Variants in FAT1 observed in about 807,000 individuals in gnomAD.
The protein encoded by FAT1 is FAT atypical cadherin 1, also known as protocadherin Fat 1.
In FAT1, 171 loss-of-function variants were observed where a neutral mutation model predicts 329.8. The observed-to-expected ratio is 0.52, with a 90% confidence interval of 0.46 to 0.59. The LOEUF is 0.59. Ranked by LOEUF, FAT1 falls within the 20% of genes least tolerant of loss-of-function variation. The pLI is 0.00. For synonymous variants in FAT1, 2,233 were observed against 2,228.6 expected, an observed-to-expected ratio of 1.00 and a Z score of -0.06; for missense variants, 5,672 against 5,774.4, an observed-to-expected ratio of 0.98 and a Z score of 0.57.
chr4:186,704,439 CAAT>C (rs1481785383), intron 2 of FAT1, among the ~76,000 whole-genome samples: 4 of 151,974 alleles, frequency 2.6e-5, no homozygotes, highest in African/African-American at 9.7e-5. Flanking sequence ...TAAAAAGCAA[CAAT>C]AAAAATACTC....
intron 2 of FAT1, among the ~76,000 whole-genome samples, chr4:186,690,273 C>G (rs1157589717): frequency 6.6e-6 from 1 of 152,134 alleles, no homozygotes; most frequent in Non-Finnish European, 1.5e-5. Flanking sequence ...GAAGTAAAAA[C>G]AATCAGAAAC....
chr4:186,593,212 A>T (rs573161284), intron 26 of FAT1, among the ~76,000 whole-genome samples: 2 of 152,114 alleles, frequency 1.3e-5, no homozygotes, highest in Non-Finnish European at 2.9e-5. Flanking sequence ...CTAAAACAAG[A>T]ATGTTTTTGT....
chr4:186,637,538 T>A (rs1434314319), intron 4 of FAT1, among the ~76,000 whole-genome samples: 1 of 152,190 alleles, frequency 6.6e-6, no homozygotes, highest in African/African-American at 2.4e-5. Context: ...TAAATAAGAT[T>A]TTCGGTAAAA....
chr4:186,693,055 T>C (rs1743861701), intron 2 of FAT1, among the ~76,000 whole-genome samples: 1 of 152,168 alleles, frequency 6.6e-6, no homozygotes, highest in Non-Finnish European at 1.5e-5. Context: ...AGCATCCCCC[T>C]GGTATCTCTG....
chr4:186,616,142 TCCTC>T (rs573982343), intron 11 of FAT1, among the ~76,000 whole-genome samples: 86 of 151,778 alleles, frequency 5.7e-4, no homozygotes, highest in Non-Finnish European at 1.1e-3. Flanking sequence ...TTGCATCCAC[TCCTC>T]CCTGTCTAAA....
chr4:186,688,655 C>T (rs1420402222), intron 2 of FAT1, among the ~76,000 whole-genome samples: 3 of 28,734 alleles, frequency 1.0e-4, no homozygotes, highest in African/African-American at 5.3e-4. Flanking sequence ...CCCCCCCCGC[C>T]CCCCCCCAAA....
rs1370535095 is a variant in FAT1, at chr4:186,611,381, G to A, written c.9853+5C>T. On this transcript the variant is annotated splice_donor_5th_base_variant and intron_variant, in intron 14 of 26. Transcript: ENST00000441802. The stretch of plus-strand genomic sequence containing the variant: ...GGGTTTCCTCTCAGATACATGGTAG[G>A]TTACCTGTTTTAGAATCTATGCTGA... 6.2e-6 allele frequency: 10 copies of A among 1,600,102 alleles called. No individual in the cohort carries two copies. Among genetic ancestry groups the A allele is most frequent in the Non-Finnish European group, 8.5e-6 (10 of 1,172,558 alleles).
chr4:186,603,474 CT>C lies in FAT1; in HGVS notation c.11051del (p.Gln3684ArgfsTer15). 1 of 1,613,980 alleles carries C rather than the reference CT, an allele frequency of 6.2e-7. No individual in the cohort carries two copies. ...RRNDIQIVSLQSSEPHPHLDV... is the reference protein window; with the variant it reads ...RRNDIQIVSLXSSEPHPHLDV... ...CCAGATGTGGGTGAGGTTCAGAGGA[CT>C]GCAAACTAACAATCTGTATGTCGTT... is the stretch of plus-strand genomic sequence containing the variant. On this transcript the variant is annotated frameshift_variant, in exon 19 of 27. Transcript: ENST00000441802. LOFTEE classifies it high-confidence loss of function.
chr4:186,709,340 G>A lies in FAT1; in HGVS notation c.488C>T (p.Ala163Val), dbSNP rs1247264736. The change falls in exon 2 of 27, where the codon GCT becomes GTT. Residue 163 changes from alanine to valine, a missense_variant. Physicochemically the swap from Ala to Val is moderately conservative, Grantham distance 64 (BLOSUM62 0). Coordinates refer to ENST00000441802, the MANE Select transcript of FAT1 (RefSeq NM_005245.4). Reference sequence around the variant, plus strand: ...GACTCTTGCGATACTGGTCCTTATAGCTGTGTTTTCAGGTAAAGAAACGCT... The same window carrying A: ...GACTCTTGCGATACTGGTCCTTATAACTGTGTTTTCAGGTAAAGAAACGCT... Reference protein sequence around the residue: ...SYSVSLPENTAIRTSIARVSA... With the variant: ...SYSVSLPENTVIRTSIARVSA... 1.2e-6 allele frequency: 2 copies of A among 1,613,932 alleles called. No homozygotes were observed. The highest frequency in any genetic ancestry group is 1.7e-6 in the Non-Finnish European group (2 of 1,179,878).
chr4:186,720,502 C>A (rs561979525), intron 1 of FAT1, among the ~76,000 whole-genome samples: 19 of 152,312 alleles, frequency 1.2e-4, no homozygotes, highest in African/African-American at 4.6e-4. Context: ...TTGCACACAT[C>A]ATTTCCTCTG....
In FAT1 at chr4:186,708,389, G is replaced by A. The variant is rs2126696089; in HGVS notation, c.1439C>T (p.Thr480Ile). 1 of 1,613,946 alleles carries A rather than the reference G, an allele frequency of 6.2e-7. No individual in the cohort carries two copies. The highest frequency in any genetic ancestry group is 8.5e-7 in the Non-Finnish European group (1 of 1,179,868). Residue 480 changes from threonine to isoleucine, a missense_variant, in exon 2 of 27, where the codon ACT (threonine) becomes ATT (isoleucine). Thr to Ile is a moderately conservative substitution (Grantham distance 89). Around this residue, in one of 2 missense-constraint regions of FAT1, gnomAD observed 3,966 missense variants for 3,915.2 expected, o/e 1.01. Transcript: ENST00000441802. ...AAFDENVPIGTTVMSLSAVDP... is the reference protein window; with the variant it reads ...AAFDENVPIGITVMSLSAVDP... ...TACGGCACTCAGGCTCATGACAGTA[G>A]TACCAATGGGCACGTTCTCATCAAA...
chr4:186,657,257 A>C (rs1430364734), intron 3 of FAT1, among the ~76,000 whole-genome samples: 1 of 152,240 alleles, frequency 6.6e-6, no homozygotes, highest in African/African-American at 2.4e-5. Context: ...TGAGTGGATA[A>C]ACAAATTATA....
intron 2 of FAT1, among the ~76,000 whole-genome samples, chr4:186,679,529 T>C (rs1031066373): frequency 1.3e-5 from 2 of 151,262 alleles, no homozygotes; most frequent in Non-Finnish European, 2.9e-5. Flanking sequence ...TTTCTATCCA[T>C]AAGCAGGAAG....
chr4:186,675,890 G>C (rs994297965), intron 2 of FAT1, among the ~76,000 whole-genome samples: 6 of 151,574 alleles, frequency 4.0e-5, no homozygotes, highest in Non-Finnish European at 1.5e-5. Context: ...TACTGGCTTG[G>C]ATCTTAATCT....
Position 186,609,899 on chromosome 4 carries a change from T to A in FAT1, c.9970A>T (p.Asn3324Tyr), listed in dbSNP as rs1475178087. Residue 3324 changes from asparagine to tyrosine, a missense_variant, in exon 15 of 27, where the codon AAT becomes TAT. Asn to Tyr is a moderately radical substitution (Grantham distance 143). Transcript: ENST00000441802. ...SLSDVATVNV[N>Y]VTDINDNTPV... Reference sequence around the variant, plus strand: ...GTATTATCGTTGATATCTGTTACATTAACGTTCACAGTGGCAACGTCGCTC... The same window carrying A: ...GTATTATCGTTGATATCTGTTACATAAACGTTCACAGTGGCAACGTCGCTC... 1 of 1,612,902 alleles carries A rather than the reference T, an allele frequency of 6.2e-7. No individual in the cohort carries two copies. Among genetic ancestry groups the A allele is most frequent in the Non-Finnish European group, 8.5e-7 (1 of 1,178,932 alleles).
rs1177670592 is a variant in FAT1 at position 186,617,206 on chromosome 4, T to C, written c.8879-5A>G. On this transcript the variant is annotated splice_polypyrimidine_tract_variant and splice_region_variant and intron_variant, in intron 10 of 26. Transcript: ENST00000441802. ...ACTGTCCTAAAGGATCCCCTCCTAT[T>C]AAATCAATGGAGGAAGATAATAATC... 1.9e-6 allele frequency: 3 copies of C among 1,551,054 alleles called. No individual in the cohort carries two copies. Among genetic ancestry groups the C allele is most frequent in the East Asian group, 2.3e-5 (1 of 43,872 alleles).
intron 2 of FAT1, among the ~76,000 whole-genome samples, chr4:186,664,136 T>C (rs1160746115): frequency 1.3e-5 from 2 of 152,110 alleles, no homozygotes; most frequent in East Asian, 1.9e-4. Flanking sequence ...GGCCACTGTC[T>C]AAGGAAAAAG....
intron 14 of FAT1, among the ~76,000 whole-genome samples, chr4:186,610,343 T>C (rs72716253): frequency 0.22 from 32,661 of 151,806 alleles, 4,468 homozygotes; most frequent in Non-Finnish European, 0.31. Flanking sequence ...TCACTCTAAT[T>C]TAATCAACAA....
At chr4:186,631,434 G>C (rs1740586505) in intron 7 of FAT1, among the ~76,000 whole-genome samples, 1 of 150,758 alleles carries the variant, frequency 6.6e-6, no homozygotes, top group Non-Finnish European at 1.5e-5. Context: ...CGGTATCCTA[G>C]TGTCTCACCG....
Sources: gnomAD v4.1 joint callset for allele counts (sites outside exome capture counted in the v4.1 genomes callset) on GRCh38, gnomAD v4.1.1 for gene constraint, gnomAD v4.1.1 regional missense constraint, MANE v1.5 for transcripts, NCBI Gene and HGNC (gene_info 2026-07-23, HGNC 2026-07-21) for gene names.